PCDH15: variants seen among roughly 807,000 people sequenced by gnomAD.
PCDH15 encodes protocadherin related 15.
In PCDH15, 129 loss-of-function variants were observed where a neutral mutation model predicts 178.5. The ratio of observed to expected loss-of-function variants is 0.72; its 90% CI spans 0.63 to 0.84. The LOEUF (loss-of-function observed/expected upper bound fraction) is 0.84. PCDH15 is among the 40% of genes least tolerant of loss of function. PCDH15 has a pLI of 0.00. For missense variants in PCDH15, 2,230 were observed against 2,099.9 expected (o/e 1.06, Z -1.21); for synonymous variants, 800 against 732.0 (o/e 1.09, Z -1.50).
In PCDH15 at chr10:54,971,991, TAACTACGG is replaced by T. The variant is rs1204283439; in HGVS notation, c.-79-74499_-79-74492del. Among the ~76,000 whole-genome samples, 6 of 152,272 alleles carry T rather than the reference TAACTACGG, an allele frequency of 3.9e-5. No individual in the cohort carries two copies. The East Asian group carries it at 1.2e-3, about 29-fold the overall frequency. On this transcript the variant is annotated intron_variant, in intron 2 of 5. Coordinates refer to the PCDH15 transcript ENST00000458638. The stretch of plus-strand genomic sequence containing the variant: ...GACACTGTCGATTCCCTGATGTCAT[TAACTACGG>T]ATACAAACACAATCAAGAAGGAAAA...
intron 18 of PCDH15, among the ~76,000 whole-genome samples, chr10:54,056,249 G>A (rs1295254387): frequency 6.6e-6 from 1 of 152,138 alleles, no homozygotes; most frequent in Non-Finnish European, 1.5e-5. Flanking sequence ...GACATTCCAA[G>A]TTCTCTCTTC....
chr10:54,055,867 C>T (rs572145244), intron 18 of PCDH15, among the ~76,000 whole-genome samples: 3 of 152,210 alleles, frequency 2.0e-5, no homozygotes, highest in Admixed American at 6.5e-5. Context: ...CACTTTCTAA[C>T]CCAGACTGAT....
chr10:54,504,858 G>T (rs2081034412), intron 3 of PCDH15, among the ~76,000 whole-genome samples: 1 of 152,022 alleles, frequency 6.6e-6, no homozygotes, highest in Non-Finnish European at 1.5e-5. Context: ...TTTGGATTGA[G>T]AATATATCTA....
chr10:54,203,767 C>T (rs529656722), intron 10 of PCDH15, among the ~76,000 whole-genome samples: 1 of 152,154 alleles, frequency 6.6e-6, no homozygotes, highest in Non-Finnish European at 1.5e-5. Flanking sequence ...CTTCACCCAG[C>T]AAGGTGCAGG....
At chr10:54,043,893 AT>A (rs1413580489) in intron 18 of PCDH15, among the ~76,000 whole-genome samples, 1 of 152,138 alleles carries the variant, frequency 6.6e-6, no homozygotes, top group African/African-American at 2.4e-5. Context: ...AGATCAGGTA[AT>A]GACTTCATCT....
At chr10:54,114,474 G>A (rs2095079278) in intron 15 of PCDH15, among the ~76,000 whole-genome samples, 1 of 152,014 alleles carries the variant, frequency 6.6e-6, no homozygotes, top group East Asian at 1.9e-4. Context: ...ATTTTTTATT[G>A]ATTACATAGT....
intron 2 of PCDH15, among the ~76,000 whole-genome samples, chr10:54,617,223 C>T (rs2093192564): frequency 6.6e-6 from 1 of 151,882 alleles, no homozygotes; most frequent in South Asian, 2.1e-4. Flanking sequence ...GTAAACATCA[C>T]CAGGGTCCTA....
intron 3 of PCDH15, among the ~76,000 whole-genome samples, chr10:54,415,984 G>A (rs1281902473): frequency 6.6e-6 from 1 of 151,818 alleles, no homozygotes; most frequent in Non-Finnish European, 1.5e-5. Flanking sequence ...ATTTTTTAAA[G>A]ACAGGTTCTC....
chr10:55,575,462 C>T (rs746231718), intron 2 of PCDH15, among the ~76,000 whole-genome samples: 3 of 151,914 alleles, frequency 2.0e-5, no homozygotes, highest in Non-Finnish European at 2.9e-5. Flanking sequence ...GACTTGGTAG[C>T]CAAATGATAC....
chr10:54,862,976 T>G (rs917804042), intron 3 of PCDH15, among the ~76,000 whole-genome samples: 1 of 152,190 alleles, frequency 6.6e-6, no homozygotes, highest in African/African-American at 2.4e-5. Flanking sequence ...ATTTTATCTA[T>G]TATAGTAACT....
chr10:53,871,142 G>A (rs2079815079), intron 26 of PCDH15, among the ~76,000 whole-genome samples: 1 of 150,426 alleles, frequency 6.6e-6, no homozygotes, highest in African/African-American at 2.4e-5. Context: ...GACCATCCTG[G>A]CTAACGCAGT....
intron 3 of PCDH15, among the ~76,000 whole-genome samples, chr10:54,432,509 G>GA (rs922287145): frequency 8.2e-4 from 125 of 152,198 alleles, no homozygotes; most frequent in African/African-American, 2.9e-3. Context: ...ATGGCGCTGG[G>GA]AAAACTGGAT....
chr10:54,539,072 ATTTG>A (rs1340639452), intron 2 of PCDH15, among the ~76,000 whole-genome samples: 4 of 152,242 alleles, frequency 2.6e-5, no homozygotes, highest in Non-Finnish European at 5.9e-5. Context: ...TGCTTTTTCC[ATTTG>A]TTTATGTTAT....
intron 8 of PCDH15, among the ~76,000 whole-genome samples, chr10:54,281,999 T>C (rs1345946769): frequency 6.6e-6 from 1 of 152,078 alleles, no homozygotes; most frequent in Non-Finnish European, 1.5e-5. Context: ...CTTAAATAAT[T>C]TAATTTCTGG....
intron 4 of PCDH15, among the ~76,000 whole-genome samples, chr10:54,373,607 G>C (rs552654498): frequency 6.6e-5 from 10 of 151,976 alleles, no homozygotes; most frequent in Non-Finnish European, 1.5e-4. Flanking sequence ...AGGACATTCA[G>C]TCTATTTAAT....
At chr10:54,784,494 T>C (rs992106239) in intron 1 of PCDH15, among the ~76,000 whole-genome samples, 4 of 151,980 alleles carry the variant, frequency 2.6e-5, no homozygotes, top group Non-Finnish European at 4.4e-5. Context: ...AAAAATACTA[T>C]GTCCAGCAAA....
chr10:54,014,342 A>AAAG (rs35045703), intron 20 of PCDH15, among the ~76,000 whole-genome samples: 114,973 of 151,768 alleles, frequency 0.76, 43,783 homozygotes, highest in Middle Eastern at 0.86. Flanking sequence ...CCACATGTAT[A>AAAG]AAGAGCTGGT....
chr10:54,907,274 C>T (rs534815183), intron 2 of PCDH15, among the ~76,000 whole-genome samples: 1 of 152,132 alleles, frequency 6.6e-6, no homozygotes, highest in South Asian at 2.1e-4. Flanking sequence ...AACAGACTAA[C>T]TGAAAAATAT....
intron 2 of PCDH15, among the ~76,000 whole-genome samples, chr10:54,612,602 C>T (rs1359282673): frequency 6.6e-6 from 1 of 151,548 alleles, no homozygotes; most frequent in Admixed American, 6.6e-5. Context: ...AAACAAACTG[C>T]AGAATATATT....
Sources: gnomAD v4.1 joint callset for allele counts (sites outside exome capture counted in the v4.1 genomes callset) on GRCh38, gnomAD v4.1.1 for gene constraint, MANE v1.5 for transcripts, NCBI Gene and HGNC (gene_info 2026-07-23, HGNC 2026-07-21) for gene names.